The following NEMF variants were observed in gnomAD, a reference collection of about 807,000 sequenced individuals.
NEMF encodes nuclear export mediator factor.
In NEMF, 89 loss-of-function variants were observed where a neutral mutation model predicts 162.2. That is an observed-to-expected ratio of 0.55 (90% CI 0.46 to 0.65). NEMF has a LOEUF of 0.65. NEMF is among the 30% of genes least tolerant of loss of function. The pLI, the probability that NEMF is intolerant of heterozygous loss-of-function variation, is 0.00. For synonymous variants in NEMF, 421 were observed against 404.5 expected (o/e 1.04, Z -0.49); for missense variants, 1,133 against 1,261.9 (o/e 0.90, Z 1.55).
rs1008493311 is a variant in NEMF, at chr14:49,799,527, A to G, written c.2416-3T>C. On this transcript the variant is annotated splice_region_variant and splice_polypyrimidine_tract_variant and intron_variant, in intron 24 of 32. Coordinates refer to ENST00000298310, the MANE Select transcript of NEMF (RefSeq NM_004713.6). Reference sequence around the variant, plus strand: ...CGGCTCTGTGATTTACTGTCACTCTATTAAAACAAAAAAACAGGCAAATGC... The same window carrying G: ...CGGCTCTGTGATTTACTGTCACTCTGTTAAAACAAAAAAACAGGCAAATGC... The G allele has an allele frequency of 8.1e-6, 13 of 1,610,812 alleles. No homozygotes were observed. Among genetic ancestry groups the G allele is most frequent in the Non-Finnish European group, 1.1e-5 (13 of 1,179,238 alleles).
chr14:49,786,665 G>A, intron 29 of NEMF, 53 bp downstream of exon 29: 4 of 1,494,826 alleles, frequency 2.7e-6, no homozygotes, highest in Non-Finnish European at 3.7e-6. Flanking sequence ...AACATTCTGG[G>A]AACTGAATTG....
At chr14:49,841,196 CAAAAAAA>C (rs34039009) in intron 4 of NEMF, among the ~76,000 whole-genome samples, 8 of 56,802 alleles carry the variant, frequency 1.4e-4, no homozygotes, top group Non-Finnish European at 1.9e-4. Flanking sequence ...AACTCTGTCT[CAAAAAAA>C]AAAAAAAAAA....
At chr14:49,830,885 T>C (rs895459868) in intron 11 of NEMF, among the ~76,000 whole-genome samples, 1 of 152,212 alleles carries the variant, frequency 6.6e-6, no homozygotes, top group African/African-American at 2.4e-5. Flanking sequence ...TATTAAGACT[T>C]GGCTTTAAAG....
In NEMF at chr14:49,799,356, A is replaced by G. The variant is rs557296354; in HGVS notation, c.2465+119T>C. 7 of 813,882 alleles carry G rather than the reference A, an allele frequency of 8.6e-6. No homozygotes were observed. In the Admixed American group the frequency reaches 1.1e-4, roughly 12 times the overall value. The allele number at this position is 813,882 out of a possible 1,614,324, so 50.4% of individuals were successfully genotyped here. A position where few individuals can be genotyped will look rare whatever the true frequency, so the allele number is the denominator to read the frequency against. On this transcript the variant is annotated intron_variant, in intron 25 of 32. Transcript: ENST00000298310. ...ATTAAAAACTAAACATTTGTGCTAA[A>G]TCTTGGTAAATTTAATGAAGGAAGT... is the stretch of plus-strand genomic sequence containing the variant.
chr14:49,818,822 G>GA (rs1027428258), intron 16 of NEMF, among the ~76,000 whole-genome samples: 1 of 151,972 alleles, frequency 6.6e-6, no homozygotes, highest in African/African-American at 2.4e-5. Flanking sequence ...ACAAGCAGGA[G>GA]AAAAAAAGAA....
chr14:49,820,928 C>A (rs1399774508), intron 16 of NEMF, among the ~76,000 whole-genome samples: 5 of 151,758 alleles, frequency 3.3e-5, no homozygotes, highest in African/African-American at 9.7e-5. Flanking sequence ...TGCTCCCCAC[C>A]TGGGAAGTGA....
At chr14:49,822,077 A>C (rs1229590529) in intron 16 of NEMF, among the ~76,000 whole-genome samples, 1 of 151,942 alleles carries the variant, frequency 6.6e-6, no homozygotes, top group Non-Finnish European at 1.5e-5. Flanking sequence ...AGGGCGGTGC[A>C]AGATGTGCTT....
At chr14:49,834,281 T>A (rs955357056) in intron 7 of NEMF, 82 bp downstream of exon 7, 20 of 878,152 alleles carry the variant, frequency 2.3e-5, no homozygotes, top group Non-Finnish European at 3.7e-5. Flanking sequence ...TAGAACCACC[T>A]GCTCCCTTAT....
At chr14:49,800,863 T>C (rs1345877269) in intron 22 of NEMF, 167 bp from the exon 23 acceptor site, 5 of 620,902 alleles carry the variant, frequency 8.1e-6, no homozygotes, top group African/African-American at 1.8e-5. Flanking sequence ...AAGAATAACC[T>C]GTATCATGAA....
chr14:49,811,897 C>T (rs1486069672), intron 18 of NEMF, among the ~76,000 whole-genome samples: 1 of 151,984 alleles, frequency 6.6e-6, no homozygotes, highest in African/African-American at 2.4e-5. Flanking sequence ...CTGTAGTTTT[C>T]TTGTGTTATC....
rs35896786 is a variant in NEMF at position 49,788,276 on chromosome 14, C to CAA, written c.2895+868_2895+869dup. 1.4e-3 allele frequency among the ~76,000 whole-genome samples: 111 copies of CAA among 78,560 alleles called. 10 individuals are homozygous for CAA. Among genetic ancestry groups the CAA allele is most frequent in the African/African-American group, 4.6e-3 (91 of 19,884 alleles). 51.5% of individuals were successfully genotyped at this position (78,560 alleles called of 152,430 possible). ...CCTGGGCAACAGAGCAAGACTGCCT[C>CAA]AAAAAAAAAAAAAAAAAAAATTCAA... On this transcript the variant is annotated intron_variant, in intron 28 of 32. Transcript: ENST00000298310.
chr14:49,787,114 A>C (rs1223862741), intron 28 of NEMF: 2 of 177,452 alleles, frequency 1.1e-5, no homozygotes. Flanking sequence ...AAGCAAATGG[A>C]GAATTTTGGT....
chr14:49,814,121 A>G (rs925226987), intron 17 of NEMF, 71 bp from the exon 18 acceptor site: 24 of 916,064 alleles, frequency 2.6e-5, no homozygotes, highest in Admixed American at 4.0e-5. Context: ...TTTTTTTCAG[A>G]TGGAGTCTCG....
chr14:49,787,810 A>G (rs1890248036), intron 28 of NEMF, among the ~76,000 whole-genome samples: 1 of 152,242 alleles, frequency 6.6e-6, no homozygotes, highest in Non-Finnish European at 1.5e-5. Context: ...AACGAGTTTT[A>G]GTATTACTAA....
intron 27 of NEMF, 43 bp downstream of exon 27, chr14:49,789,453 C>T (rs1890338440): frequency 1.9e-6 from 3 of 1,609,194 alleles, no homozygotes; most frequent in African/African-American, 2.7e-5. Flanking sequence ...GCTAGATGCC[C>T]ATTTGAAAAG....
At chr14:49,795,405 C>A (rs1306423217) in intron 26 of NEMF, among the ~76,000 whole-genome samples, 1 of 152,084 alleles carries the variant, frequency 6.6e-6, no homozygotes, top group Non-Finnish European at 1.5e-5. Flanking sequence ...AGAGTATGTT[C>A]TATCATAAGT....
intron 16 of NEMF, among the ~76,000 whole-genome samples, chr14:49,821,860 A>G (rs1227689797): frequency 6.6e-6 from 1 of 152,066 alleles, no homozygotes; most frequent in Non-Finnish European, 1.5e-5. Context: ...GGTTTTGTGG[A>G]ATAGAAAAGG....
At chr14:49,833,158 C>T (rs932194799) in intron 8 of NEMF, among the ~76,000 whole-genome samples, 2 of 151,920 alleles carry the variant, frequency 1.3e-5, no homozygotes, top group South Asian at 2.1e-4. Context: ...CCCAGCTACT[C>T]GGGAGGCTGA....
In NEMF at chr14:49,783,098, A is replaced by C. The variant is rs1373395027; in HGVS notation, c.*1538T>G. 4.5e-6 allele frequency: 3 copies of C among 663,330 alleles called. No individual in the cohort carries two copies. The East Asian group carries it at 9.0e-5, about 20-fold the overall frequency. The allele number at this position is 663,330 out of a possible 1,614,324, so 41.1% of individuals were successfully genotyped here. A position where few individuals can be genotyped will look rare whatever the true frequency, so the allele number is the denominator to read the frequency against. The stretch of plus-strand genomic sequence containing the variant: ...TGCATGTGAATGGCCTAGAGAACCT[A>C]TTTTTGTGTCTAAAGTTTACAATAA... On this transcript the variant is annotated 3_prime_UTR_variant, in exon 33 of 33. Coordinates refer to ENST00000298310, the MANE Select transcript of NEMF (RefSeq NM_004713.6).
Sources: gnomAD v4.1 joint callset for allele counts (sites outside exome capture counted in the v4.1 genomes callset) on GRCh38, gnomAD v4.1.1 for gene constraint, MANE v1.5 for transcripts, NCBI Gene and HGNC (gene_info 2026-07-23, HGNC 2026-07-21) for gene names.